Variants in DNAJC5B observed in about 807,000 individuals in gnomAD.
The protein encoded by DNAJC5B is DnaJ heat shock protein family (Hsp40) member C5 beta, also known as dnaJ homolog subfamily C member 5B.
In DNAJC5B, 23 loss-of-function variants were observed where a neutral mutation model predicts 24.7. That is an observed-to-expected ratio of 0.93 (90% CI 0.67 to 1.32). The LOEUF (loss-of-function observed/expected upper bound fraction) is 1.32. Ranked by LOEUF, DNAJC5B falls within the 40% of genes most tolerant of loss-of-function variation. The probability of loss-of-function intolerance (pLI) is 0.00; values close to 1 mark genes in which losing one functional copy is unlikely to be tolerated. For synonymous variants in DNAJC5B, 101 were observed against 90.1 expected, an observed-to-expected ratio of 1.12 and a Z score of -0.68; for missense variants, 238 against 240.8, an observed-to-expected ratio of 0.99 and a Z score of 0.08.
chr8:66,067,517 G>A (rs187446901), intron 3 of DNAJC5B, among the ~76,000 whole-genome samples: 1 of 152,178 alleles, frequency 6.6e-6, no homozygotes. Context: ...CATGAATCTG[G>A]GATGGCTCTC....
intron 3 of DNAJC5B, among the ~76,000 whole-genome samples, chr8:66,052,118 A>AT (rs748199400): frequency 0.012 from 1,679 of 136,322 alleles, 10 homozygotes; most frequent in African/African-American, 0.021. Flanking sequence ...CACCCAGCTA[A>AT]TTTTTTTTTT....
At chr8:66,097,127 T>G (rs1185022072) in intron 5 of DNAJC5B, among the ~76,000 whole-genome samples, 1 of 152,044 alleles carries the variant, frequency 6.6e-6, no homozygotes, top group Non-Finnish European at 1.5e-5. Flanking sequence ...TAATAAGATA[T>G]ATACATATAC....
chr8:66,076,181 G>A (rs909953035), intron 3 of DNAJC5B, among the ~76,000 whole-genome samples: 4 of 152,110 alleles, frequency 2.6e-5, no homozygotes, highest in African/African-American at 9.7e-5. Context: ...TTAATGAAGG[G>A]GTCTTAATTT....
At chr8:66,034,294 C>T (rs1479282352) in intron 1 of DNAJC5B, among the ~76,000 whole-genome samples, 2 of 151,498 alleles carry the variant, frequency 1.3e-5, no homozygotes, top group Admixed American at 1.3e-4. Context: ...CTGGGACACA[C>T]AGAGGGTGCT....
intron 3 of DNAJC5B, among the ~76,000 whole-genome samples, chr8:66,067,150 G>A (rs975547224): frequency 2.6e-5 from 4 of 152,044 alleles, no homozygotes; most frequent in Admixed American, 6.6e-5. Context: ...CCTGCTGACA[G>A]CAACTAGAAA....
intron 2 of DNAJC5B, among the ~76,000 whole-genome samples, chr8:66,044,268 G>A (rs116392730): frequency 1.5e-3 from 225 of 152,192 alleles, no homozygotes; most frequent in African/African-American, 5.0e-3. Context: ...TTCTATGAAG[G>A]AATCATAGAA....
intron 5 of DNAJC5B, among the ~76,000 whole-genome samples, chr8:66,086,560 A>C (rs1807728858): frequency 6.6e-6 from 1 of 152,184 alleles, no homozygotes; most frequent in South Asian, 2.1e-4. Flanking sequence ...AAGATGTTTA[A>C]AAGAACAGAG....
chr8:66,062,952 G>A (rs1407070312), intron 3 of DNAJC5B, among the ~76,000 whole-genome samples: 1 of 152,200 alleles, frequency 6.6e-6, no homozygotes, highest in Non-Finnish European at 1.5e-5. Flanking sequence ...TGAGGCTGCA[G>A]TAGGCCATGA....
At chr8:66,077,338 G>A (rs893285103) in intron 4 of DNAJC5B, among the ~76,000 whole-genome samples, 6 of 152,146 alleles carry the variant, frequency 3.9e-5, no homozygotes, top group African/African-American at 1.4e-4. Flanking sequence ...AGAGGAGAAG[G>A]AAATTAGGGG....
chr8:66,079,415 A>C (rs1448245133), intron 4 of DNAJC5B, among the ~76,000 whole-genome samples: 1 of 152,204 alleles, frequency 6.6e-6, no homozygotes, highest in Non-Finnish European at 1.5e-5. Flanking sequence ...CATGAAATGC[A>C]ACTGGGGACA....
chr8:66,089,739 T>C (rs554427433), intron 5 of DNAJC5B, among the ~76,000 whole-genome samples: 4 of 152,296 alleles, frequency 2.6e-5, no homozygotes, highest in Admixed American at 2.6e-4. Context: ...CCCTTTAAAC[T>C]ATATCGGAAA....
chr8:66,031,521 G>T (rs934774436), intron 1 of DNAJC5B, among the ~76,000 whole-genome samples: 9 of 152,136 alleles, frequency 5.9e-5, no homozygotes, highest in African/African-American at 1.9e-4. Context: ...AGGAGAGATG[G>T]ATATATGTGT....
chr8:66,083,437 G>A (rs1807648702), intron 5 of DNAJC5B, among the ~76,000 whole-genome samples: 1 of 152,098 alleles, frequency 6.6e-6, no homozygotes, highest in Admixed American at 6.5e-5. Flanking sequence ...TATTGATAAT[G>A]TTGTCTACAT....
chr8:66,061,613 G>A (rs1055419775), intron 3 of DNAJC5B, among the ~76,000 whole-genome samples: 2 of 136,706 alleles, frequency 1.5e-5, no homozygotes, highest in Non-Finnish European at 3.0e-5. Flanking sequence ...GAGAGAGAGT[G>A]TGTGTGTGTG....
chr8:66,078,434 A>G lies in DNAJC5B; in HGVS notation c.333+1561A>G, dbSNP rs1430522528. On this transcript the variant is annotated intron_variant, in intron 4 of 5. Transcript: ENST00000276570. The stretch of plus-strand genomic sequence containing the variant: ...ATACTTATAAAAATATTGGACACCT[A>G]CCTGTGCCTAGTACTGTACTAAGCA... Among the ~76,000 whole-genome samples the G allele has an allele frequency of 3.9e-5, 6 of 152,178 alleles. No homozygotes were observed. The East Asian group carries it at 1.2e-3, about 29-fold the overall frequency.
chr8:66,026,853 T>G lies in DNAJC5B; in HGVS notation c.-142+5148T>G, dbSNP rs529690323. ...GCTGTGAAGCAAGCACTCTAGTTAG[T>G]GTCTTTTCCCCTCATCTTTGCTGAC... On this transcript the variant is annotated intron_variant, in intron 1 of 5. Coordinates refer to ENST00000276570, the MANE Select transcript of DNAJC5B (RefSeq NM_033105.6). Among the ~76,000 whole-genome samples, 30 of 152,330 alleles carry G rather than the reference T, an allele frequency of 2.0e-4. No individual in the cohort carries two copies. The South Asian group carries it at 6.2e-3, about 32-fold the overall frequency.
intron 3 of DNAJC5B, chr8:66,057,596 G>A (rs1271737140): frequency 1.3e-5 from 2 of 152,106 alleles, no homozygotes; most frequent in Admixed American, 1.3e-4. Flanking sequence ...ACTCCGACAG[G>A]ATAAACCCAA....
At chr8:66,061,210 G>A (rs1807073221) in intron 3 of DNAJC5B, among the ~76,000 whole-genome samples, 1 of 152,138 alleles carries the variant, frequency 6.6e-6, no homozygotes, top group African/African-American at 2.4e-5. Flanking sequence ...GAGCCCAGGA[G>A]TTTGAGGCTG....
chr8:66,061,447 G>A (rs1807078283), intron 3 of DNAJC5B, among the ~76,000 whole-genome samples: 1 of 152,134 alleles, frequency 6.6e-6, no homozygotes, highest in African/African-American at 2.4e-5. Flanking sequence ...CCAGGGTTTG[G>A]CACATGGGTA....
Sources: gnomAD v4.1 joint callset for allele counts (sites outside exome capture counted in the v4.1 genomes callset) on GRCh38, gnomAD v4.1.1 for gene constraint, MANE v1.5 for transcripts, NCBI Gene and HGNC (gene_info 2026-07-23, HGNC 2026-07-21) for gene names.